Variants in CHODL observed in about 807,000 individuals in gnomAD.
CHODL encodes the protein transmembrane protein MT75.
Under a neutral mutation model 34.5 loss-of-function variants are expected in CHODL, and 29 were observed. The ratio of observed to expected loss-of-function variants is 0.84; its 90% CI spans 0.63 to 1.15. CHODL has a LOEUF of 1.15. Ranked by LOEUF, CHODL falls within the 50% of genes most tolerant of loss-of-function variation. CHODL has a pLI of 0.00. For synonymous variants in CHODL, 125 were observed against 116.1 expected (o/e 1.08, Z -0.49); for missense variants, 332 against 332.5 (o/e 1.00, Z 0.01).
intron 1 of CHODL, among the ~76,000 whole-genome samples, chr21:18,246,467 T>C (rs1293324564): frequency 6.6e-6 from 1 of 152,222 alleles, no homozygotes; most frequent in Non-Finnish European, 1.5e-5. Flanking sequence ...CAATTTGTGA[T>C]GTTCTACAGC....
intron 2 of CHODL, among the ~76,000 whole-genome samples, chr21:18,094,747 A>G (rs2146534626): frequency 6.6e-6 from 1 of 151,882 alleles, no homozygotes; most frequent in East Asian, 1.9e-4. Context: ...TACATCAAAA[A>G]AAAAAAAAAA....
At chr21:18,174,119 TG>T (rs1396185805) in intron 2 of CHODL, among the ~76,000 whole-genome samples, 1 of 38,684 alleles carries the variant, frequency 2.6e-5, no homozygotes, top group Admixed American at 3.3e-4. Context: ...ATATATATCT[TG>T]GTGTATATAT....
At position 18,002,899 on chromosome 21, in the gene CHODL, G is replaced by A. The variant is rs1404741151; in HGVS notation, c.-144-24973G>A. The stretch of plus-strand genomic sequence containing the variant: ...AGCACTTTGGGAGGCCGAGGCGGGC[G>A]GATCATAAGGTCAGGAGATCGAGAC... On this transcript the variant is annotated intron_variant, in intron 1 of 6. Coordinates refer to the CHODL transcript ENST00000400127. 4.6e-5 allele frequency among the ~76,000 whole-genome samples: 7 copies of A among 152,162 alleles called. No homozygotes were observed. In the East Asian group the frequency reaches 9.7e-4, roughly 21 times the overall value.
intron 1 of CHODL, among the ~76,000 whole-genome samples, chr21:17,927,114 ATGTATATATG>A (rs1241697211): frequency 3.6e-5 from 5 of 138,304 alleles, no homozygotes; most frequent in African/African-American, 1.5e-4. Context: ...GTATGTATAT[ATGTATATATG>A]TATATATATG....
intron 1 of CHODL, among the ~76,000 whole-genome samples, chr21:17,986,075 T>G (rs1568831064): frequency 6.6e-6 from 1 of 152,208 alleles, no homozygotes. Flanking sequence ...ATAGGAATTT[T>G]GGAAGGGCAC....
At chr21:17,930,862 A>C (rs1458582174) in intron 1 of CHODL, among the ~76,000 whole-genome samples, 1 of 152,214 alleles carries the variant, frequency 6.6e-6, no homozygotes, top group Non-Finnish European at 1.5e-5. Context: ...CAGGAGAGCC[A>C]CAAAGTTGTC....
chr21:18,258,719 G>A (rs1394859303), intron 3 of CHODL, among the ~76,000 whole-genome samples: 1 of 151,908 alleles, frequency 6.6e-6, no homozygotes, highest in Non-Finnish European at 1.5e-5. Context: ...CGGGTTTACT[G>A]TTGGCCTTAT....
chr21:18,094,722 A>G (rs1284504521), intron 2 of CHODL, among the ~76,000 whole-genome samples: 11 of 148,324 alleles, frequency 7.4e-5, no homozygotes, highest in Admixed American at 6.8e-4. Context: ...AGAGAAATTT[A>G]TAGCTATAAA....
At chr21:18,097,814 A>G (rs1187871874) in intron 2 of CHODL, among the ~76,000 whole-genome samples, 1 of 152,140 alleles carries the variant, frequency 6.6e-6, no homozygotes, top group Non-Finnish European at 1.5e-5. Context: ...TTGACTTAAA[A>G]TTATGCTATA....
intron 1 of CHODL, among the ~76,000 whole-genome samples, chr21:17,970,334 C>G (rs952252688): frequency 3.3e-5 from 5 of 152,126 alleles, no homozygotes; most frequent in Admixed American, 6.5e-5. Flanking sequence ...CATCTTATTT[C>G]TCAATTTGTT....
upstream of CHODL, among the ~76,000 whole-genome samples, chr21:18,244,084 C>T (rs1173426950): frequency 6.6e-6 from 1 of 152,142 alleles, no homozygotes; most frequent in African/African-American, 2.4e-5. Flanking sequence ...ATAAAGAGAG[C>T]AGGTCAGGTT....
At chr21:18,154,698 C>T (rs2073011968) in intron 2 of CHODL, among the ~76,000 whole-genome samples, 1 of 152,124 alleles carries the variant, frequency 6.6e-6, no homozygotes, top group African/African-American at 2.4e-5. Context: ...GGAAGGAAAT[C>T]TTGGGGAAGC....
chr21:18,119,948 A>G (rs1009518770), intron 2 of CHODL, among the ~76,000 whole-genome samples: 12 of 152,120 alleles, frequency 7.9e-5, no homozygotes, highest in Non-Finnish European at 1.8e-4. Flanking sequence ...TAATATTACT[A>G]TAGATAATGC....
chr21:18,112,590 G>C (rs929743257), intron 2 of CHODL, among the ~76,000 whole-genome samples: 3 of 152,144 alleles, frequency 2.0e-5, no homozygotes, highest in Admixed American at 1.3e-4. Context: ...GAACAGAATA[G>C]AGAACTCAGA....
intron 2 of CHODL, among the ~76,000 whole-genome samples, chr21:18,065,450 A>T (rs980213079): frequency 6.6e-6 from 1 of 152,206 alleles, no homozygotes; most frequent in African/African-American, 2.4e-5. Context: ...TCACGCAAGG[A>T]GTTTTGAGCA....
chr21:17,956,305 A>G (rs197539), intron 1 of CHODL, among the ~76,000 whole-genome samples: 73,559 of 133,454 alleles, frequency 0.55, 26,329 homozygotes, highest in East Asian at 0.89. Context: ...TTCTCCTGCC[A>G]TGACACGCCT....
chr21:17,957,317 C>T (rs991770568), intron 1 of CHODL, among the ~76,000 whole-genome samples: 2 of 152,088 alleles, frequency 1.3e-5, no homozygotes, highest in African/African-American at 4.8e-5. Context: ...ATAAAATGAA[C>T]ATTGGATTAT....
chr21:18,072,956 T>C (rs1334230507), intron 2 of CHODL, among the ~76,000 whole-genome samples: 4 of 152,202 alleles, frequency 2.6e-5, no homozygotes, highest in Non-Finnish European at 4.4e-5. Context: ...GTCTCATTTA[T>C]TATTAAAGTT....
At chr21:18,128,245 G>A (rs2072601747) in intron 2 of CHODL, among the ~76,000 whole-genome samples, 1 of 141,490 alleles carries the variant, frequency 7.1e-6, no homozygotes. Context: ...AGCTTGCAGT[G>A]AGCCCAGATC....
Sources: gnomAD v4.1 joint callset for allele counts (sites outside exome capture counted in the v4.1 genomes callset) on GRCh38, gnomAD v4.1.1 for gene constraint, MANE v1.5 for transcripts, NCBI Gene and HGNC (gene_info 2026-07-23, HGNC 2026-07-21) for gene names.